HIVEP2: variants seen among roughly 807,000 people sequenced by gnomAD.
The protein encoded by HIVEP2 is transcription factor HIVEP2.
HIVEP2 carries 14 observed loss-of-function variants against 180.7 expected under a neutral mutation model. That is an observed-to-expected ratio of 0.08 (90% confidence interval 0.05 to 0.12). The LOEUF (loss-of-function observed/expected upper bound fraction) is 0.12, where lower values mean the gene tolerates loss of function less well. Ranked by LOEUF, HIVEP2 falls within the 10% of genes least tolerant of loss-of-function variation. The probability of loss-of-function intolerance (pLI) is 1.00; values close to 1 mark genes in which losing one functional copy is unlikely to be tolerated. For missense variants in HIVEP2, 2,579 were observed against 3,008.5 expected (o/e 0.86, Z 3.34); for synonymous variants, 1,184 against 1,136.4 (o/e 1.04, Z -0.84).
At position 142,759,834 on chromosome 6, in the gene HIVEP2, G is replaced by A. The variant is rs1325363027; in HGVS notation, c.6454C>T (p.His2152Tyr). ...RAPSPRRALYHNPPLSMGQYL... is the reference protein window; with the variant it reads ...RAPSPRRALYYNPPLSMGQYL... ...TGTCCCATGGACAATGGTGGGTTATGGTATAAAGCCCTTCTGGGAGATGGC... is the reference window on the plus strand; with the variant it reads ...TGTCCCATGGACAATGGTGGGTTATAGTATAAAGCCCTTCTGGGAGATGGC... The change falls in exon 9 of 10, where the codon CAT becomes TAT. Residue 2152 changes from histidine (H) to tyrosine (Y), a missense_variant. His to Tyr is a moderately conservative substitution (Grantham distance 83, BLOSUM62 2). Transcript: ENST00000367603. 1.2e-6 allele frequency: 2 copies of A among 1,613,640 alleles called. No individual in the cohort carries two copies. Among genetic ancestry groups the A allele is most frequent in the East Asian group, 2.2e-5 (1 of 44,880 alleles).
intron 1 of HIVEP2, among the ~76,000 whole-genome samples, chr6:142,851,626 G>T (rs1775675742): frequency 6.6e-6 from 1 of 152,240 alleles, no homozygotes; most frequent in Non-Finnish European, 1.5e-5. Context: ...AAGTGCTGGA[G>T]AGAGTTTTTT....
rs1774931990 is a variant in HIVEP2, at chr6:142,751,913, C to T, written c.*1194G>A. On this transcript the variant is annotated 3_prime_UTR_variant, in exon 10 of 10. Transcript: ENST00000367603. ...GGAGCAGGTCTCCATCTCCTTTTCC[C>T]CCTTCCACACCCAACCCTCAGAGTC... The T allele has an allele frequency of 6.5e-6, 1 of 152,956 alleles. No individual in the cohort carries two copies. Among genetic ancestry groups the T allele is most frequent in the South Asian group, 2.1e-4 (1 of 4,832 alleles). The allele number at this position is 152,956 out of a possible 1,614,324, so 9.5% of individuals were successfully genotyped here.
In HIVEP2 at chr6:142,775,535, G is replaced by C. The variant is rs557768737; in HGVS notation, c.-387-410C>G. Among the ~76,000 whole-genome samples, 79 of 152,046 alleles carry C rather than the reference G, an allele frequency of 5.2e-4. 1 individual carries two copies. Among genetic ancestry groups the C allele is most frequent in the African/African-American group, 1.8e-3 (74 of 41,482 alleles). ...TCTCTATATAGAGATATGTTTTATA[G>C]CTTAATACAAACAATATGTGGCCAG... On this transcript the variant is annotated intron_variant, in intron 4 of 9. Transcript: ENST00000367603.
intron 1 of HIVEP2, among the ~76,000 whole-genome samples, chr6:142,857,313 G>T (rs1775848533): frequency 6.6e-6 from 1 of 151,832 alleles, no homozygotes; most frequent in South Asian, 2.1e-4. Context: ...TCTACAATAA[G>T]CTATTGTATA....
At chr6:142,903,376 T>G (rs1042902940) in intron 1 of HIVEP2, among the ~76,000 whole-genome samples, 3 of 152,222 alleles carry the variant, frequency 2.0e-5, no homozygotes, top group Non-Finnish European at 4.4e-5. Flanking sequence ...ACTTATACAG[T>G]GTCCTGGACT....
chr6:142,768,309 T>C, intron 6 of HIVEP2, 73 bp downstream of exon 6: 2 of 1,400,582 alleles, frequency 1.4e-6, no homozygotes, highest in South Asian at 2.7e-5. Context: ...CAGTACCTTT[T>C]CCATGCAGAC....
Position 142,774,143 on chromosome 6 carries a change from G to C in HIVEP2, c.596C>G (p.Ala199Gly), listed in dbSNP as rs748603897. 7.4e-6 allele frequency: 12 copies of C among 1,614,144 alleles called. No individual in the cohort carries two copies. The South Asian group carries it at 1.3e-4, about 18-fold the overall frequency. Residue 199 changes from alanine to glycine, a missense_variant, in exon 5 of 10, where the codon GCC becomes GGC. By Grantham distance (60) the Ala-to-Gly change is moderately conservative. Around this residue, in one of 11 missense-constraint regions of HIVEP2, gnomAD observed 26 missense variants for 76.9 expected, o/e 0.34. Coordinates refer to ENST00000367603, the MANE Select transcript of HIVEP2 (RefSeq NM_006734.4). The surrounding 1 kb of genome is among the most constrained non-coding windows in gnomAD (Gnocchi z 5.1). ...YICPYCSRAC[A>G]KPSVLKKHIR... ...GTGTTTTTTCAGTACACTAGGTTTG[G>C]CACACGCTCTGCTGCAGTAAGGGCA...
intron 1 of HIVEP2, among the ~76,000 whole-genome samples, chr6:142,913,247 GA>G (rs550737053): frequency 9.2e-5 from 14 of 152,200 alleles, no homozygotes; most frequent in Non-Finnish European, 1.9e-4. Flanking sequence ...ATGCTAATGA[GA>G]ACTTCTACTT....
intron 1 of HIVEP2, among the ~76,000 whole-genome samples, chr6:142,887,091 T>A (rs1187488369): frequency 1.3e-5 from 2 of 152,190 alleles, no homozygotes; most frequent in East Asian, 3.8e-4. Flanking sequence ...AGTACACGTG[T>A]ACCTCCATCA....
intron 2 of HIVEP2, among the ~76,000 whole-genome samples, chr6:142,819,168 T>A (rs970150752): frequency 6.6e-6 from 1 of 151,856 alleles, no homozygotes; most frequent in Non-Finnish European, 1.5e-5. Flanking sequence ...CAGGATGCAA[T>A]GAGCTATGAT....
Position 142,772,601 on chromosome 6 carries a change from C to T in HIVEP2, c.2138G>A (p.Cys713Tyr). 1.2e-6 allele frequency: 2 copies of T among 1,614,210 alleles called. No individual in the cohort carries two copies. The highest frequency in any genetic ancestry group is 1.1e-5 in the South Asian group (1 of 91,084). Reference protein sequence around the residue: ...VGDEEDTPMICSSIVSTPVGI... With the variant: ...VGDEEDTPMIYSSIVSTPVGI... ...CACAGGAGTGCTTACAATGCTGCTG[C>T]AGATCATGGGCGTGTCCTCTTCATC... Residue 713 changes from cysteine to tyrosine, a missense_variant, in exon 5 of 10, where the codon TGC becomes TAC. By Grantham distance (194) the Cys-to-Tyr change is radical (BLOSUM62 -2). Transcript: ENST00000367603. This position sits in a 1 kb window ranked among gnomAD's most constrained non-coding sequence, Gnocchi z 4.9.
chr6:142,829,526 T>C (rs1775017605), intron 2 of HIVEP2, among the ~76,000 whole-genome samples: 1 of 152,160 alleles, frequency 6.6e-6, no homozygotes, highest in African/African-American at 2.4e-5. Context: ...CTAGTACAAG[T>C]TTTCTTATAT....
intron 1 of HIVEP2, among the ~76,000 whole-genome samples, chr6:142,897,602 G>A (rs563116234): frequency 4.6e-5 from 7 of 152,230 alleles, no homozygotes; most frequent in Admixed American, 4.6e-4. Flanking sequence ...CACACATGAC[G>A]CAGAGCATAT....
At chr6:142,819,706 T>C (rs949745505) in intron 2 of HIVEP2, among the ~76,000 whole-genome samples, 1 of 152,124 alleles carries the variant, frequency 6.6e-6, no homozygotes, top group African/African-American at 2.4e-5. Flanking sequence ...TGTGACCCTA[T>C]GGGAAAATTT....
intron 1 of HIVEP2, among the ~76,000 whole-genome samples, chr6:142,863,797 A>G (rs1208078207): frequency 1.3e-5 from 2 of 152,200 alleles, no homozygotes; most frequent in Admixed American, 1.3e-4. Flanking sequence ...GGATCCCCCA[A>G]GGAGTAAGAC....
Position 142,769,883 on chromosome 6 carries a change from A to C in HIVEP2, c.4856T>G (p.Val1619Gly). Residue 1619 changes from valine to glycine, a missense_variant, in exon 5 of 10, where the codon GTG (valine) becomes GGG (glycine). By Grantham distance (109) the Val-to-Gly change is moderately radical. Around this residue, in one of 11 missense-constraint regions of HIVEP2, gnomAD observed 349 missense variants for 367.2 expected, o/e 0.95. Coordinates refer to ENST00000367603, the MANE Select transcript of HIVEP2 (RefSeq NM_006734.4). ...CGTGAGAAGAAGAGTTGAGTCTGCC[A>C]CGTTCCCGCTGGGGGCAGAGGCCAT... ...VRMASAPSGN[V>G]ADSTLLLTDM... The C allele has an allele frequency of 1.2e-6, 2 of 1,614,112 alleles. No homozygotes were observed. The highest frequency in any genetic ancestry group is 1.7e-6 in the Non-Finnish European group (2 of 1,180,030).
At chr6:142,932,040 C>T (rs1777953274) in intron 1 of HIVEP2, among the ~76,000 whole-genome samples, 1 of 152,168 alleles carries the variant, frequency 6.6e-6, no homozygotes, top group Non-Finnish European at 1.5e-5. Flanking sequence ...CCTGAGTCCT[C>T]GGCCAGGGTT....
chr6:142,869,399 A>G (rs1349964974), intron 1 of HIVEP2, among the ~76,000 whole-genome samples: 1 of 152,236 alleles, frequency 6.6e-6, no homozygotes, highest in Non-Finnish European at 1.5e-5. Context: ...AGTATCAACT[A>G]TGTACAAATT....
At position 142,770,237 on chromosome 6, in the gene HIVEP2, G is replaced by T. The variant is rs893430078; in HGVS notation, c.4502C>A (p.Ala1501Asp). 2 of 1,614,092 alleles carry T rather than the reference G, an allele frequency of 1.2e-6. No homozygotes were observed. The highest frequency in any genetic ancestry group is 2.7e-5 in the African/African-American group (2 of 74,940). ...QKPQLVRQGC[A>D]SEPKDGLQSG... ...CTGCAAGCCATCTTTTGGCTCAGAA[G>T]CACATCCTTGTCGAACCAGCTGGGG... The change falls in exon 5 of 10, where the codon GCT (alanine) becomes GAT (aspartate). Residue 1501 changes from alanine (A) to aspartate (D), a missense_variant. Ala to Asp is a moderately radical substitution (Grantham distance 126, BLOSUM62 -2). This residue lies in a region of HIVEP2 where 349 missense variants were observed against 367.2 expected (regional missense o/e 0.95). Transcript: ENST00000367603. This position sits in a 1 kb window ranked among gnomAD's most constrained non-coding sequence, Gnocchi z 4.7.
Sources: gnomAD v4.1 joint callset for allele counts (sites outside exome capture counted in the v4.1 genomes callset) on GRCh38, gnomAD v4.1.1 for gene constraint, gnomAD v4.1.1 regional missense constraint, Gnocchi (gnomAD v3.1) non-coding constraint, MANE v1.5 for transcripts, NCBI Gene and HGNC (gene_info 2026-07-23, HGNC 2026-07-21) for gene names.